Variants in CWF19L2 observed in about 807,000 individuals in gnomAD.
CWF19L2 encodes CWF19 like cell cycle control factor 2, also known as CWF19-like protein 2.
A neutral mutation model predicts 111.7 loss-of-function variants in CWF19L2; 98 were observed. That is an observed-to-expected ratio of 0.88 (90% CI 0.75 to 1.04). The LOEUF is 1.04. Ranked by LOEUF, CWF19L2 falls within the 50% of genes least tolerant of loss-of-function variation. CWF19L2 has a pLI of 0.00. For missense variants in CWF19L2, 1,101 were observed against 1,051.4 expected, an observed-to-expected ratio of 1.05 and a Z score of -0.65; for synonymous variants, 351 against 342.9, an observed-to-expected ratio of 1.02 and a Z score of -0.26.
In CWF19L2 at chr11:107,370,827, C is replaced by A. The variant is rs1048205343; in HGVS notation, c.1873-17091G>T. ...AGAATATTTGTATGTCCAAAAGAAT[C>A]GGGAGCATTATAACTAATTCCTGTC... On this transcript the variant is annotated intron_variant, in intron 12 of 17. Transcript: ENST00000282251. Among the ~76,000 whole-genome samples, 3 of 137,056 alleles carry A rather than the reference C, an allele frequency of 2.2e-5. 1 individual carries two copies. The highest frequency in any genetic ancestry group is 2.1e-4 in the East Asian group (1 of 4,778). 89.9% of individuals were successfully genotyped at this position (137,056 alleles called of 152,430 possible).
intron 12 of CWF19L2, among the ~76,000 whole-genome samples, chr11:107,386,394 T>C (rs1339578536): frequency 6.6e-6 from 1 of 152,206 alleles, no homozygotes; most frequent in Non-Finnish European, 1.5e-5. Flanking sequence ...AATTGATGGA[T>C]GGTAATCAGC....
intron 4 of CWF19L2, 25 bp downstream of exon 4, chr11:107,442,914 A>T (rs1861652104): frequency 7.1e-7 from 1 of 1,404,680 alleles, no homozygotes; most frequent in Non-Finnish European, 9.9e-7. Context: ...GAAAGCAAGG[A>T]AGGAAAATCA....
At chr11:107,358,690 A>C (rs1263607892) in intron 12 of CWF19L2, among the ~76,000 whole-genome samples, 1 of 152,232 alleles carries the variant, frequency 6.6e-6, no homozygotes, top group African/African-American at 2.4e-5. Flanking sequence ...TTAGGGCTTA[A>C]GGAGGAAGAG....
chr11:107,399,266 A>G (rs113916922), intron 10 of CWF19L2, among the ~76,000 whole-genome samples: 4 of 152,342 alleles, frequency 2.6e-5, no homozygotes, highest in African/African-American at 9.6e-5. Context: ...TCCACTTAAA[A>G]GATACGGAAT....
chr11:107,348,858 A>G lies in CWF19L2; in HGVS notation c.2202+79T>C. 2 of 706,380 alleles carry G rather than the reference A, an allele frequency of 2.8e-6. 1 individual carries two copies. Among genetic ancestry groups the G allele is most frequent in the South Asian group, 3.8e-5 (2 of 52,214 alleles). 43.8% of individuals were successfully genotyped at this position (706,380 alleles called of 1,614,324 possible). On this transcript the variant is annotated intron_variant, in intron 14 of 17. Coordinates refer to ENST00000282251, the MANE Select transcript of CWF19L2 (RefSeq NM_152434.3). ...AACTAAAATCATTAAATGAAGTTAT[A>G]CCTATTGGAATTTATCACAATAATT...
At chr11:107,381,037 G>T (rs1860677942) in intron 12 of CWF19L2, among the ~76,000 whole-genome samples, 1 of 152,154 alleles carries the variant, frequency 6.6e-6, no homozygotes, top group Admixed American at 6.5e-5. Flanking sequence ...GACAGAAAGA[G>T]GTGACCAGGG....
chr11:107,340,547 C>T (rs118108922), intron 14 of CWF19L2, among the ~76,000 whole-genome samples: 1 of 152,186 alleles, frequency 6.6e-6, no homozygotes, highest in African/African-American at 2.4e-5. Context: ...ACCAATATCA[C>T]ATAGTCTTGA....
intron 11 of CWF19L2, 47 bp from the exon 12 acceptor site, chr11:107,390,258 G>A: frequency 2.8e-6 from 4 of 1,441,868 alleles, no homozygotes; most frequent in Non-Finnish European, 3.8e-6. Flanking sequence ...ATGAGTCTCT[G>A]AAGTATTTCT....
intron 8 of CWF19L2, among the ~76,000 whole-genome samples, chr11:107,423,115 T>A (rs185434283): frequency 6.6e-6 from 1 of 152,162 alleles, no homozygotes; most frequent in African/African-American, 2.4e-5. Context: ...TTGCTTGTTT[T>A]ATTAGTTGTA....
At chr11:107,387,837 C>A (rs191588355) in intron 12 of CWF19L2, among the ~76,000 whole-genome samples, 1 of 152,180 alleles carries the variant, frequency 6.6e-6, no homozygotes, top group East Asian at 1.9e-4. Flanking sequence ...TCTTGCTGTG[C>A]GGCCCAGTTC....
At chr11:107,443,357 C>A (rs1182958520) in intron 3 of CWF19L2, among the ~76,000 whole-genome samples, 1 of 152,036 alleles carries the variant, frequency 6.6e-6, no homozygotes, top group Admixed American at 6.6e-5. Flanking sequence ...GTGGCGCATG[C>A]CTGTAATCCC....
chr11:107,359,422 G>A (rs757548186), intron 12 of CWF19L2, among the ~76,000 whole-genome samples: 39 of 152,192 alleles, frequency 2.6e-4, no homozygotes, highest in Non-Finnish European at 4.6e-4. Flanking sequence ...TGTAGGGCTG[G>A]GCTATGTCTT....
At chr11:107,342,563 T>C (rs893144031) in intron 14 of CWF19L2, among the ~76,000 whole-genome samples, 42 of 151,770 alleles carry the variant, frequency 2.8e-4, no homozygotes, top group African/African-American at 9.7e-4. Flanking sequence ...CTGAGATTAG[T>C]TTTGTGGCAA....
intron 10 of CWF19L2, among the ~76,000 whole-genome samples, chr11:107,411,634 T>C (rs944583525): frequency 6.6e-6 from 1 of 152,154 alleles, no homozygotes; most frequent in African/African-American, 2.4e-5. Context: ...CCAAGAGCAT[T>C]TAATGCTTAA....
intron 3 of CWF19L2, among the ~76,000 whole-genome samples, chr11:107,453,242 T>A (rs752275549): frequency 6.6e-6 from 1 of 152,062 alleles, no homozygotes; most frequent in South Asian, 2.1e-4. Flanking sequence ...AGACTGACAA[T>A]ACCAAGTACT....
chr11:107,394,988 A>T (rs1860901327), intron 10 of CWF19L2, among the ~76,000 whole-genome samples: 1 of 152,222 alleles, frequency 6.6e-6, no homozygotes, highest in African/African-American at 2.4e-5. Flanking sequence ...AATATTTGTT[A>T]CTAATCCATG....
At position 107,455,701 on chromosome 11, in the gene CWF19L2, G is replaced by C; in HGVS notation, c.181C>G (p.Pro61Ala). The C allele has an allele frequency of 6.4e-7, 1 of 1,550,514 alleles. No homozygotes were observed. The highest frequency in any genetic ancestry group is 8.7e-7 in the Non-Finnish European group (1 of 1,146,256). Residue 61 changes from proline to alanine, a missense_variant, in exon 2 of 18, where the codon CCT (proline) becomes GCT (alanine). Physicochemically the swap from Pro to Ala is conservative, Grantham distance 27. Coordinates refer to ENST00000282251, the MANE Select transcript of CWF19L2 (RefSeq NM_152434.3). ...TGTTCAATTCTCTCATTCACATCAG[G>C]TAGCATCCATGTATCCTCACCCCGA... Reference protein sequence around the residue: ...RLRGEDTWMLPDVNERIEQFS... With the variant: ...RLRGEDTWMLADVNERIEQFS...
intron 8 of CWF19L2, among the ~76,000 whole-genome samples, chr11:107,421,048 TACAA>T (rs1479461219): frequency 3.3e-5 from 5 of 152,154 alleles, no homozygotes; most frequent in Non-Finnish European, 7.4e-5. Flanking sequence ...TTCTAAGCTA[TACAA>T]ACAGTCTCAT....
In CWF19L2 at chr11:107,454,500, T is replaced by C; in HGVS notation, c.289A>G (p.Ser97Gly). 6.8e-7 allele frequency: 1 copy of C among 1,480,062 alleles called. No homozygotes were observed. The highest frequency in any genetic ancestry group is 8.9e-7 in the Non-Finnish European group (1 of 1,120,432). The allele number at this position is 1,480,062 out of a possible 1,614,324, so 91.7% of individuals were successfully genotyped here. A position where few individuals can be genotyped will look rare whatever the true frequency, so the allele number is the denominator to read the frequency against. Residue 97 changes from serine to glycine, a missense_variant, in exon 3 of 18, where the codon AGC (serine) becomes GGC (glycine). Transcript: ENST00000282251. Reference protein sequence around the residue: ...KKAKKEKKKKSKKQKYEKNNE... With the variant: ...KKAKKEKKKKGKKQKYEKNNE... ...TTTTTTTCATATTTCTGTTTCTTGCTCTTTTTTTTCTTTTCTTTCTTTGCT... is the reference window on the plus strand; with the variant it reads ...TTTTTTTCATATTTCTGTTTCTTGCCCTTTTTTTTCTTTTCTTTCTTTGCT...
Sources: allele counts gnomAD v4.1 joint callset (sites outside exome capture counted in the v4.1 genomes callset), GRCh38; gene constraint gnomAD v4.1.1; transcripts MANE v1.5; gene names NCBI Gene and HGNC (gene_info 2026-07-23, HGNC 2026-07-21).